The following PSMD14 variants were observed in gnomAD, a reference collection of about 807,000 sequenced individuals.
PSMD14 encodes the protein proteasome 26S subunit, non-ATPase 14, also known as ubiquitin C-terminal hydrolase PSMD14.
A neutral mutation model predicts 41.2 loss-of-function variants in PSMD14; 7 were observed. The observed-to-expected ratio is 0.17, with a 90% CI of 0.10 to 0.32. The LOEUF (loss-of-function observed/expected upper bound fraction) is 0.32, where lower values mean the gene tolerates loss of function less well. PSMD14 is among the 10% of genes least tolerant of loss of function. The probability of loss-of-function intolerance (pLI) is 1.00; values close to 1 mark genes in which losing one functional copy is unlikely to be tolerated. For synonymous variants in PSMD14, 114 were observed against 122.3 expected (o/e 0.93, Z 0.45); for missense variants, 139 against 375.6 (o/e 0.37, Z 5.21).
chr2:161,369,417 T>C (rs1238246632), intron 5 of PSMD14, among the ~76,000 whole-genome samples: 1 of 152,010 alleles, frequency 6.6e-6, no homozygotes, highest in Non-Finnish European at 1.5e-5. Context: ...CCGAAAACAT[T>C]CTTAGCCTAT....
At chr2:161,351,730 G>T (rs191059030) in intron 3 of PSMD14, among the ~76,000 whole-genome samples, 1 of 152,126 alleles carries the variant, frequency 6.6e-6, no homozygotes, top group African/African-American at 2.4e-5. Context: ...TACATGGGTC[G>T]TCTGGGTGCT....
At chr2:161,346,085 G>A (rs1683037980) in intron 3 of PSMD14, among the ~76,000 whole-genome samples, 1 of 152,078 alleles carries the variant, frequency 6.6e-6, no homozygotes, top group South Asian at 2.1e-4. Flanking sequence ...GTTTTGCCAT[G>A]TTGCCCAGGC....
At chr2:161,396,180 A>T (rs1683790581) in intron 10 of PSMD14, among the ~76,000 whole-genome samples, 1 of 152,218 alleles carries the variant, frequency 6.6e-6, no homozygotes, top group South Asian at 2.1e-4. Context: ...TAAGACTTGA[A>T]CATACAAAGA....
rs992392162 is a variant in PSMD14, at chr2:161,349,775, G to T, written c.49-17703G>T. ...GAGGAGAGTCTGCTGTGAGCCAGACGAGCAGGGTGGGGTTGGAGAGACCAG... is the reference window on the plus strand; with the variant it reads ...GAGGAGAGTCTGCTGTGAGCCAGACTAGCAGGGTGGGGTTGGAGAGACCAG... On this transcript the variant is annotated intron_variant, in intron 3 of 11. Coordinates refer to ENST00000409682, the MANE Select transcript of PSMD14 (RefSeq NM_005805.6). Among the ~76,000 whole-genome samples, 3 of 152,192 alleles carry T rather than the reference G, an allele frequency of 2.0e-5. No individual in the cohort carries two copies. In the East Asian group the frequency reaches 5.8e-4, roughly 29 times the overall value.
chr2:161,391,216 C>A (rs1256888265), intron 9 of PSMD14, 38 bp downstream of exon 9: 1 of 1,469,486 alleles, frequency 6.8e-7, no homozygotes, highest in Non-Finnish European at 9.0e-7. Flanking sequence ...GGAAAAAAAT[C>A]TTTTTCAAAC....
intron 10 of PSMD14, among the ~76,000 whole-genome samples, chr2:161,401,677 C>A (rs181300702): frequency 4.1e-4 from 63 of 152,298 alleles, no homozygotes; most frequent in African/African-American, 1.4e-3. Context: ...CTTTATTATT[C>A]ATCTCTATTT....
intron 6 of PSMD14, 119 bp from the exon 7 acceptor site, chr2:161,371,053 C>CA: frequency 2.6e-6 from 3 of 1,155,422 alleles, no homozygotes; most frequent in Non-Finnish European, 3.6e-6. Flanking sequence ...GGTGCTTTTT[C>CA]ACACCTGTGT....
chr2:161,311,121 C>T (rs1016209619), intron 1 of PSMD14, among the ~76,000 whole-genome samples: 3 of 152,086 alleles, frequency 2.0e-5, no homozygotes, highest in Non-Finnish European at 4.4e-5. Flanking sequence ...GCCAACATGG[C>T]GAAACCCCTT....
At chr2:161,366,576 GA>G (rs1168189633) in intron 3 of PSMD14, among the ~76,000 whole-genome samples, 2 of 152,094 alleles carry the variant, frequency 1.3e-5, no homozygotes, top group African/African-American at 4.8e-5. Flanking sequence ...TATTGTCAGG[GA>G]AAGGGAACTT....
At chr2:161,326,158 C>G (rs1682692698) in intron 3 of PSMD14, among the ~76,000 whole-genome samples, 1 of 152,116 alleles carries the variant, frequency 6.6e-6, no homozygotes, top group South Asian at 2.1e-4. Context: ...CTGCCTCAGC[C>G]TCCTGAGTAT....
chr2:161,330,868 C>T (rs1052361936), intron 3 of PSMD14, among the ~76,000 whole-genome samples: 2 of 152,160 alleles, frequency 1.3e-5, no homozygotes, highest in Admixed American at 1.3e-4. Flanking sequence ...ACTCATTGTA[C>T]ATTTTCCCCT....
chr2:161,343,748 A>G (rs961307616), intron 3 of PSMD14, among the ~76,000 whole-genome samples: 2 of 151,860 alleles, frequency 1.3e-5, no homozygotes, highest in African/African-American at 4.8e-5. Context: ...GAATCGCTTG[A>G]GCCTGGGAAG....
intron 3 of PSMD14, among the ~76,000 whole-genome samples, chr2:161,361,379 T>C (rs1380216915): frequency 6.6e-6 from 1 of 152,146 alleles, no homozygotes; most frequent in Non-Finnish European, 1.5e-5. Context: ...CTGAAAAGAT[T>C]ATAACAATTA....
At chr2:161,397,270 C>G (rs1275397566) in intron 10 of PSMD14, among the ~76,000 whole-genome samples, 1 of 152,078 alleles carries the variant, frequency 6.6e-6, no homozygotes, top group Admixed American at 6.5e-5. Context: ...ACTACCCAAA[C>G]AAAAGGTACG....
At chr2:161,330,874 C>T (rs1682777174) in intron 3 of PSMD14, among the ~76,000 whole-genome samples, 7 of 152,136 alleles carry the variant, frequency 4.6e-5, no homozygotes, top group Admixed American at 4.6e-4. Context: ...TGTACATTTT[C>T]CCCTCTTTTT....
At chr2:161,341,262 A>G in intron 3 of PSMD14, 1 of 1,011,108 alleles carries the variant, frequency 9.9e-7, no homozygotes, top group Non-Finnish European at 1.2e-6. Flanking sequence ...TAGCCAGGCG[A>G]GCAGAAGGGC....
chr2:161,354,520 G>A (rs1410086178), intron 3 of PSMD14, among the ~76,000 whole-genome samples: 1 of 150,914 alleles, frequency 6.6e-6, no homozygotes, highest in Non-Finnish European at 1.5e-5. Flanking sequence ...TTGTTGCAGT[G>A]GAGCACGGTG....
intron 1 of PSMD14, among the ~76,000 whole-genome samples, chr2:161,315,445 A>G (rs1259633690): frequency 6.6e-6 from 1 of 152,218 alleles, no homozygotes; most frequent in African/African-American, 2.4e-5. Context: ...ATTAAAATGA[A>G]AAATTCTGAT....
intron 10 of PSMD14, among the ~76,000 whole-genome samples, chr2:161,398,373 T>A (rs1216710090): frequency 6.6e-6 from 1 of 152,132 alleles, no homozygotes; most frequent in African/African-American, 2.4e-5. Context: ...GGTTAGAGAA[T>A]AATTAAATTC....
Sources: gnomAD v4.1 joint callset for allele counts (sites outside exome capture counted in the v4.1 genomes callset) on GRCh38, gnomAD v4.1.1 for gene constraint, MANE v1.5 for transcripts, NCBI Gene and HGNC (gene_info 2026-07-23, HGNC 2026-07-21) for gene names.